Variants in PTPN1 observed in about 807,000 individuals in gnomAD.
PTPN1 encodes the protein protein tyrosine phosphatase non-receptor type 1.
A neutral mutation model predicts 59.9 loss-of-function variants in PTPN1; 12 were observed. That is an observed-to-expected ratio of 0.20 (90% CI 0.13 to 0.32). The LOEUF is 0.32. Among genes scored for constraint, PTPN1 ranks in the 10% least tolerant of loss-of-function variants. The pLI is 1.00. For synonymous variants in PTPN1, 178 were observed against 203.6 expected (o/e 0.87, Z 1.07); for missense variants, 356 against 549.2 (o/e 0.65, Z 3.52).
chr20:50,531,804 C>T (rs983672280), intron 1 of PTPN1, among the ~76,000 whole-genome samples: 4 of 152,318 alleles, frequency 2.6e-5, no homozygotes, highest in South Asian at 4.1e-4. Flanking sequence ...TCCCCATCCA[C>T]GGCCATACTC....
chr20:50,531,784 T>C lies in PTPN1; in HGVS notation c.63+21194T>C, dbSNP rs113278616. On this transcript the variant is annotated intron_variant, in intron 1 of 9. Coordinates refer to ENST00000371621, the MANE Select transcript of PTPN1 (RefSeq NM_002827.4). ...CTCTGGCCCCCGGTCGCTCTCTGTG[T>C]GTTATTGAGTCCCCATCCACGGCCA... Among the ~76,000 whole-genome samples the C allele has an allele frequency of 4.0e-3, 610 of 152,244 alleles. 2 individuals are homozygous for C. Among genetic ancestry groups the C allele is most frequent in the African/African-American group, 0.014 (571 of 41,546 alleles).
chr20:50,535,551 C>A (rs755898272), intron 1 of PTPN1, among the ~76,000 whole-genome samples: 1 of 152,170 alleles, frequency 6.6e-6, no homozygotes, highest in Non-Finnish European at 1.5e-5. Flanking sequence ...CGCCTTAGGA[C>A]TCCATCTGCT....
chr20:50,568,318 G>A lies in PTPN1; in HGVS notation c.256-62G>A. On this transcript the variant is annotated intron_variant, in intron 3 of 9. Coordinates refer to ENST00000371621, the MANE Select transcript of PTPN1 (RefSeq NM_002827.4). This position sits in a 1 kb window ranked among gnomAD's most constrained non-coding sequence, Gnocchi z 5.6. ...CTGTCGTTAGCTGACTGCAGAAGGT[G>A]AGCACACGCTGTAGCATGTTATGTT... is the stretch of plus-strand genomic sequence containing the variant. 6.9e-7 allele frequency: 1 copy of A among 1,446,420 alleles called. No homozygotes were observed. Among genetic ancestry groups the A allele is most frequent in the Non-Finnish European group, 9.7e-7 (1 of 1,028,032 alleles). 89.6% of individuals were successfully genotyped at this position (1,446,420 alleles called of 1,614,324 possible).
intron 1 of PTPN1, among the ~76,000 whole-genome samples, chr20:50,526,443 C>CA (rs2082575856): frequency 6.6e-6 from 1 of 152,122 alleles, no homozygotes; most frequent in East Asian, 1.9e-4. Flanking sequence ...ACCTGGCTCA[C>CA]AACCTGTCTT....
Position 50,582,584 on chromosome 20 carries a change from C to A in PTPN1, c.1285-108C>A. ...AAAAATAAAACCAAAACCCCCTTTG[C>A]TCCCTCGGAGGTTGAAGTTGCCGGG... On this transcript the variant is annotated intron_variant, in intron 9 of 9. Transcript: ENST00000371621. The surrounding 1 kb of genome is among the most constrained non-coding windows in gnomAD (Gnocchi z 4.2). 1 of 1,132,076 alleles carries A rather than the reference C, an allele frequency of 8.8e-7. No individual in the cohort carries two copies. Among genetic ancestry groups the A allele is most frequent in the Non-Finnish European group, 1.3e-6 (1 of 774,026 alleles). 70.1% of individuals were successfully genotyped at this position (1,132,076 alleles called of 1,614,324 possible).
chr20:50,514,696 AT>A (rs1262265704), intron 1 of PTPN1, among the ~76,000 whole-genome samples: 4 of 152,158 alleles, frequency 2.6e-5, no homozygotes, highest in Non-Finnish European at 4.4e-5. Context: ...ATTTTGCACA[AT>A]TTGGCATTCC....
chr20:50,563,898 A>C (rs2082765785), intron 2 of PTPN1, among the ~76,000 whole-genome samples: 1 of 152,216 alleles, frequency 6.6e-6, no homozygotes, highest in Non-Finnish European at 1.5e-5. Context: ...GTGGCTTTTT[A>C]ATTTTAGTGA....
At chr20:50,580,234 G>A (rs1017592417) in intron 8 of PTPN1, among the ~76,000 whole-genome samples, 1 of 152,138 alleles carries the variant, frequency 6.6e-6, no homozygotes, top group East Asian at 1.9e-4. Context: ...TGACGACAGC[G>A]CCCTCCCCCA....
At chr20:50,552,147 C>T (rs781262808) in intron 1 of PTPN1, among the ~76,000 whole-genome samples, 7 of 152,122 alleles carry the variant, frequency 4.6e-5, no homozygotes, top group East Asian at 1.9e-4. Context: ...TGTTACGGTA[C>T]GGTAGTCTAC....
intron 1 of PTPN1, among the ~76,000 whole-genome samples, chr20:50,512,175 C>T (rs2082510584): frequency 6.6e-6 from 1 of 152,104 alleles, no homozygotes; most frequent in African/African-American, 2.4e-5. Context: ...GAATGAATTC[C>T]ATAAGGGACT....
chr20:50,541,066 G>T (rs1271483819), intron 1 of PTPN1, among the ~76,000 whole-genome samples: 1 of 152,142 alleles, frequency 6.6e-6, no homozygotes, highest in African/African-American at 2.4e-5. Flanking sequence ...TCAGAAAACA[G>T]TGCGACCTGC....
intron 1 of PTPN1, among the ~76,000 whole-genome samples, chr20:50,516,641 G>T (rs2082530215): frequency 6.6e-6 from 1 of 152,096 alleles, no homozygotes; most frequent in Non-Finnish European, 1.5e-5. Context: ...TTTCCCGAGG[G>T]GCATGAAATG....
chr20:50,583,068 C>A lies in PTPN1; in HGVS notation c.*353C>A. ...GCATCCCAGGCGGGCGGCACGCCAACAGCCCCCCCCTTGAATCTGCAGGGA... is the reference window on the plus strand; with the variant it reads ...GCATCCCAGGCGGGCGGCACGCCAAAAGCCCCCCCCTTGAATCTGCAGGGA... On this transcript the variant is annotated 3_prime_UTR_variant, in exon 10 of 10. Transcript: ENST00000371621. 3.2e-6 allele frequency: 1 copy of A among 313,156 alleles called. No homozygotes were observed. The highest frequency in any genetic ancestry group is 5.9e-6 in the Non-Finnish European group (1 of 168,796). 19.4% of individuals were successfully genotyped at this position (313,156 alleles called of 1,614,324 possible). A position where few individuals can be genotyped will look rare whatever the true frequency, so the allele number is the denominator to read the frequency against.
chr20:50,549,381 T>C (rs1345828318), intron 1 of PTPN1, among the ~76,000 whole-genome samples: 1 of 152,208 alleles, frequency 6.6e-6, no homozygotes, highest in East Asian at 1.9e-4. Flanking sequence ...TATCCCTTGA[T>C]TTGTGGGGAG....
intron 1 of PTPN1, among the ~76,000 whole-genome samples, chr20:50,542,615 A>T (rs2082657716): frequency 6.6e-6 from 1 of 152,236 alleles, no homozygotes; most frequent in African/African-American, 2.4e-5. Flanking sequence ...TAAGTTATTC[A>T]TGTAATAATA....
chr20:50,523,314 G>A lies in PTPN1; in HGVS notation c.63+12724G>A, dbSNP rs572224816. Among the ~76,000 whole-genome samples the A allele has an allele frequency of 3.3e-5, 5 of 152,268 alleles. No individual in the cohort carries two copies. In the South Asian group the frequency reaches 6.2e-4, roughly 19 times the overall value. The stretch of plus-strand genomic sequence containing the variant: ...TCCAGGGAAGCATCTGGTAGGTGGT[G>A]GGGTGTTTAAATATAGAACATTCGG... On this transcript the variant is annotated intron_variant, in intron 1 of 9. Coordinates refer to ENST00000371621, the MANE Select transcript of PTPN1 (RefSeq NM_002827.4).
At chr20:50,545,628 C>T (rs2082671781) in intron 1 of PTPN1, among the ~76,000 whole-genome samples, 1 of 152,164 alleles carries the variant, frequency 6.6e-6, no homozygotes, top group African/African-American at 2.4e-5. Context: ...AGGCACATTT[C>T]AGTGCCAGAA....
intron 1 of PTPN1, among the ~76,000 whole-genome samples, chr20:50,527,676 A>G (rs2082583234): frequency 6.6e-6 from 1 of 152,204 alleles, no homozygotes; most frequent in Non-Finnish European, 1.5e-5. Flanking sequence ...ATTCTTGACA[A>G]GATCTGCTTC....
chr20:50,518,535 G>A (rs958353861), intron 1 of PTPN1, among the ~76,000 whole-genome samples: 1 of 152,118 alleles, frequency 6.6e-6, no homozygotes, highest in Non-Finnish European at 1.5e-5. Flanking sequence ...TATTTTTGTG[G>A]CTAACTTTTG....
Sources: gnomAD v4.1 joint callset for allele counts (sites outside exome capture counted in the v4.1 genomes callset) on GRCh38, gnomAD v4.1.1 for gene constraint, Gnocchi (gnomAD v3.1) non-coding constraint, MANE v1.5 for transcripts, NCBI Gene and HGNC (gene_info 2026-07-23, HGNC 2026-07-21) for gene names.